Variants in TNRC18 observed in about 807,000 individuals in gnomAD.
The protein encoded by TNRC18 is trinucleotide repeat-containing gene 18 protein.
Under a neutral mutation model 226.7 loss-of-function variants are expected in TNRC18, and 69 were observed. That is an observed-to-expected ratio of 0.30 (90% CI 0.25 to 0.37). The LOEUF (loss-of-function observed/expected upper bound fraction) is 0.37. Ranked by LOEUF, TNRC18 falls within the 10% of genes least tolerant of loss-of-function variation. TNRC18 has a pLI of 1.00. For synonymous variants in TNRC18, 2,449 were observed against 1,927.6 expected, an observed-to-expected ratio of 1.27 and a Z score of -7.09; for missense variants, 4,754 against 4,256.6, an observed-to-expected ratio of 1.12 and a Z score of -3.25.
At chr7:5,327,400 TG>T (rs1789040525) in intron 19 of TNRC18, among the ~76,000 whole-genome samples, 1 of 102,374 alleles carries the variant, frequency 9.8e-6, no homozygotes, top group East Asian at 1.2e-3. Flanking sequence ...TGTGTGTGTG[TG>T]TGTGTGTGTG....
intron 2 of TNRC18, among the ~76,000 whole-genome samples, chr7:5,416,264 A>T (rs1356477896): frequency 6.6e-6 from 1 of 151,996 alleles, no homozygotes; most frequent in African/African-American, 2.4e-5. Flanking sequence ...AGTACAAAAA[A>T]ATTAGCCGGA....
At chr7:5,382,950 C>T (rs777532500) in intron 5 of TNRC18, among the ~76,000 whole-genome samples, 5 of 152,186 alleles carry the variant, frequency 3.3e-5, no homozygotes, top group Admixed American at 6.5e-5. Context: ...CAGGTTGGGG[C>T]TCAGTGGTGC....
chr7:5,327,393 G>C (rs1225006230), intron 19 of TNRC18, among the ~76,000 whole-genome samples: 1 of 147,290 alleles, frequency 6.8e-6, no homozygotes. Context: ...GTGTGTGTGT[G>C]TGTGTGTGTG....
chr7:5,379,247 G>A (rs940213875), intron 5 of TNRC18, among the ~76,000 whole-genome samples: 6 of 151,666 alleles, frequency 4.0e-5, no homozygotes, highest in Non-Finnish European at 7.4e-5. Flanking sequence ...AAAATTAGGC[G>A]GGCATGGTGG....
chr7:5,375,316 C>G (rs987870845), intron 9 of TNRC18, among the ~76,000 whole-genome samples: 2 of 147,562 alleles, frequency 1.4e-5, no homozygotes, highest in Non-Finnish European at 3.0e-5. Flanking sequence ...CTCAAAAAAA[C>G]AACAAAAACA....
chr7:5,359,618 G>A (rs536085827), intron 14 of TNRC18, 49 bp from the exon 15 acceptor site: 23 of 1,607,366 alleles, frequency 1.4e-5, no homozygotes, highest in South Asian at 1.4e-4. Context: ...GACAAGGCTC[G>A]CAGGCTGAGG....
chr7:5,410,034 G>C (rs1781741982), intron 2 of TNRC18, among the ~76,000 whole-genome samples: 1 of 150,864 alleles, frequency 6.6e-6, no homozygotes, highest in Non-Finnish European at 1.5e-5. Flanking sequence ...GATCAGATCA[G>C]ACGCAGTGGC....
Position 5,389,081 on chromosome 7 carries a change from T to A in TNRC18, c.743A>T (p.Glu248Val). 7.8e-7 allele frequency: 1 copy of A among 1,279,088 alleles called. No individual in the cohort carries two copies. Among genetic ancestry groups the A allele is most frequent in the Non-Finnish European group, 9.9e-7 (1 of 1,006,096 alleles). The allele number at this position is 1,279,088 out of a possible 1,614,324, so 79.2% of individuals were successfully genotyped here. Residue 248 changes from glutamate to valine, a missense_variant, in exon 5 of 30, where the codon GAG becomes GTG. Glu to Val is a moderately radical substitution (Grantham distance 121). Coordinates refer to ENST00000430969, the MANE Select transcript of TNRC18 (RefSeq NM_001080495.3). ...CGGGGGCCCCCGGTCCTGGCGGCCC[T>A]CGGCGCGCGCCTCCTGGGTCAGGTC... ...VVDLTQEARA[E>V]GRQDRGPPRL...
At chr7:5,321,918 C>G (rs1788407957) in intron 21 of TNRC18, among the ~76,000 whole-genome samples, 1 of 151,894 alleles carries the variant, frequency 6.6e-6, no homozygotes, top group South Asian at 2.1e-4. Flanking sequence ...GTGATCCACC[C>G]TCCTCAGCCT....
Position 5,377,441 on chromosome 7 carries a change from G to C in TNRC18, c.2391C>G (p.Ala797=). Residue 797 remains alanine (A), a synonymous_variant, in exon 7 of 30, where the codon GCC becomes GCG. Coordinates refer to ENST00000430969, the MANE Select transcript of TNRC18 (RefSeq NM_001080495.3). The surrounding 1 kb of genome is among the most constrained non-coding windows in gnomAD (Gnocchi z 5.8). Reference sequence around the variant, plus strand: ...GCAACCAGGGGTGCGTGGCCAGATGGGCTGCGGGGTCGGCAGACCAGCGAC... The same window carrying C: ...GCAACCAGGGGTGCGTGGCCAGATGCGCTGCGGGGTCGGCAGACCAGCGAC... The part of the protein sequence containing the change: ...GSGRWSADPA[A]HLATHPWLPR... 6.3e-7 allele frequency: 1 copy of C among 1,590,852 alleles called. No homozygotes were observed. The highest frequency in any genetic ancestry group is 8.5e-7 in the Non-Finnish European group (1 of 1,169,958).
chr7:5,378,319 G>A (rs1779154046), intron 5 of TNRC18, among the ~76,000 whole-genome samples: 1 of 152,216 alleles, frequency 6.6e-6, no homozygotes, highest in Non-Finnish European at 1.5e-5. Flanking sequence ...CCAACAGCCA[G>A]GGATATTGTA....
intron 5 of TNRC18, among the ~76,000 whole-genome samples, chr7:5,386,090 G>C (rs559494017): frequency 6.6e-6 from 1 of 150,442 alleles, no homozygotes; most frequent in Non-Finnish European, 1.5e-5. Flanking sequence ...AGTTTGAGAC[G>C]AGCCTGGCCA....
chr7:5,393,525 G>A (rs920609213), intron 3 of TNRC18, among the ~76,000 whole-genome samples: 22 of 152,188 alleles, frequency 1.4e-4, no homozygotes, highest in Admixed American at 1.3e-4. Flanking sequence ...GAGTGGCTGG[G>A]GAGGGCCGGA....
At position 5,389,062 on chromosome 7, in the gene TNRC18, C is replaced by G. The variant is rs935221444; in HGVS notation, c.762G>C (p.Gly254=). The G allele has an allele frequency of 1.6e-6, 2 of 1,279,862 alleles. No homozygotes were observed. Among genetic ancestry groups the G allele is most frequent in the African/African-American group, 1.6e-5 (1 of 62,216 alleles). 79.3% of individuals were successfully genotyped at this position (1,279,862 alleles called of 1,614,324 possible). ...EARAEGRQDR[G]PPRLAERLSP... is the part of the protein sequence containing the mutation. ...ACAGGCGCTCAGCCAGGCGCGGGGG[C>G]CCCCGGTCCTGGCGGCCCTCGGCGC... The change falls in exon 5 of 30, where the codon GGG becomes GGC. Residue 254 remains glycine, a synonymous_variant. Coordinates refer to ENST00000430969, the MANE Select transcript of TNRC18 (RefSeq NM_001080495.3).
intron 4 of TNRC18, 135 bp from the exon 5 acceptor site, chr7:5,389,471 T>TTTTTTTTATTTTC: frequency 1.1e-6 from 1 of 923,914 alleles, no homozygotes; most frequent in Non-Finnish European, 1.4e-6. Flanking sequence ...GTTTTTTTTT[T>TTTTTTTTATTTTC]CAGAAAGAGT....
intron 18 of TNRC18, among the ~76,000 whole-genome samples, chr7:5,344,916 G>A (rs1417013558): frequency 3.9e-5 from 6 of 152,128 alleles, no homozygotes; most frequent in African/African-American, 1.2e-4. Context: ...GACATGGACC[G>A]GGGTAAGCGC....
intron 16 of TNRC18, among the ~76,000 whole-genome samples, chr7:5,353,489 G>A (rs910665885): frequency 3.3e-5 from 5 of 149,696 alleles, no homozygotes; most frequent in African/African-American, 9.9e-5. Context: ...AACCCGGGAG[G>A]TGGAGGTTGC....
rs1779100284 is a variant in TNRC18, at chr7:5,377,747, G to A, written c.2256-171C>T. ...TCCACACTCACTGTAGGGGCAGTGGGGCCACCTGGCCTGGGCAGGGCTGGC... is the reference window on the plus strand; with the variant it reads ...TCCACACTCACTGTAGGGGCAGTGGAGCCACCTGGCCTGGGCAGGGCTGGC... On this transcript the variant is annotated intron_variant, in intron 6 of 29. Coordinates refer to ENST00000430969, the MANE Select transcript of TNRC18 (RefSeq NM_001080495.3). This position sits in a 1 kb window ranked among gnomAD's most constrained non-coding sequence, Gnocchi z 5.8. Among the ~76,000 whole-genome samples the A allele has an allele frequency of 6.6e-6, 1 of 152,170 alleles. No homozygotes were observed. The highest frequency in any genetic ancestry group is 6.5e-5 in the Admixed American group (1 of 15,280).
chr7:5,422,013 C>T (rs989772088), intron 1 of TNRC18, among the ~76,000 whole-genome samples: 5 of 152,070 alleles, frequency 3.3e-5, no homozygotes, highest in African/African-American at 1.2e-4. Context: ...CGCCTTGAAC[C>T]GCCGACGGAA....
Sources: gnomAD v4.1 joint callset for allele counts (sites outside exome capture counted in the v4.1 genomes callset) on GRCh38, gnomAD v4.1.1 for gene constraint, Gnocchi (gnomAD v3.1) non-coding constraint, MANE v1.5 for transcripts, NCBI Gene and HGNC (gene_info 2026-07-23, HGNC 2026-07-21) for gene names.